The following INO80D variants were observed in gnomAD, a reference collection of about 807,000 sequenced individuals.
INO80D encodes the protein INO80 complex subunit D.
In INO80D, 21 loss-of-function variants were observed where a neutral mutation model predicts 87.6. That is an observed-to-expected ratio of 0.24 (90% CI 0.17 to 0.35). The LOEUF (loss-of-function observed/expected upper bound fraction) is 0.35. Among genes scored for constraint, INO80D ranks in the 10% least tolerant of loss-of-function variants. The pLI is 1.00. For missense variants in INO80D, 982 were observed against 1,280.7 expected (o/e 0.77, Z 3.56); for synonymous variants, 440 against 491.0 (o/e 0.90, Z 1.37).
At chr2:206,013,848 TAAAA>T (rs34453361) in intron 8 of INO80D, among the ~76,000 whole-genome samples, 13 of 117,990 alleles carry the variant, frequency 1.1e-4, no homozygotes, top group African/African-American at 1.4e-4. Context: ...TGAGTAAGCT[TAAAA>T]AAAAAAAAAA....
chr2:206,027,536 C>CA (rs1363541494), intron 6 of INO80D, among the ~76,000 whole-genome samples: 6 of 151,518 alleles, frequency 4.0e-5, no homozygotes, highest in African/African-American at 4.8e-5. Context: ...CTCACCTCTA[C>CA]AAAAAAAAAT....
Position 206,078,898 on chromosome 2 carries a change from A to G in INO80D, c.-124+7003T>C, listed in dbSNP as rs184677257. On this transcript the variant is annotated intron_variant, in intron 1 of 10. Coordinates refer to ENST00000403263, the MANE Select transcript of INO80D (RefSeq NM_017759.5). ...GCAGAGATTGCAGTGAGCCAATCGCACCACTGCACTCTAGGCTGGGCAACA... is the reference window on the plus strand; with the variant it reads ...GCAGAGATTGCAGTGAGCCAATCGCGCCACTGCACTCTAGGCTGGGCAACA... Among the ~76,000 whole-genome samples the G allele has an allele frequency of 4.6e-4, 70 of 152,236 alleles. No individual in the cohort carries two copies. In the East Asian group the frequency reaches 0.01, roughly 22 times the overall value.
At chr2:206,037,267 A>G (rs1688918095) in intron 5 of INO80D, among the ~76,000 whole-genome samples, 1 of 152,230 alleles carries the variant, frequency 6.6e-6, no homozygotes, top group Non-Finnish European at 1.5e-5. Flanking sequence ...AGCAAATTCT[A>G]CACTTGATAT....
intron 7 of INO80D, among the ~76,000 whole-genome samples, chr2:206,018,161 G>C (rs1688367965): frequency 6.6e-6 from 1 of 151,934 alleles, no homozygotes; most frequent in Non-Finnish European, 1.5e-5. Context: ...TTTTTGTTTT[G>C]AGATGAAGTC....
chr2:206,014,344 T>A (rs1688262740), intron 8 of INO80D, among the ~76,000 whole-genome samples: 1 of 152,174 alleles, frequency 6.6e-6, no homozygotes, highest in African/African-American at 2.4e-5. Context: ...GTTGATCTGG[T>A]TTGGTTCTGT....
chr2:206,056,203 T>C lies in INO80D; in HGVS notation c.959A>G (p.His320Arg). 3.2e-6 allele frequency: 5 copies of C among 1,572,492 alleles called. No homozygotes were observed. Among genetic ancestry groups the C allele is most frequent in the South Asian group, 2.4e-5 (2 of 84,408 alleles). ...CGATAAAATAGATAACTCACCTAAATGGGGAAACAGATCAGTGTCCAACTG... is the reference window on the plus strand; with the variant it reads ...CGATAAAATAGATAACTCACCTAAACGGGGAAACAGATCAGTGTCCAACTG... ...KHQLDTDLFP[H>R]LGLDWSEESG... Residue 320 changes from histidine to arginine, a missense_variant, in exon 4 of 11, where the codon CAT becomes CGT. Transcript: ENST00000403263.
At chr2:206,083,570 C>G (rs1690342205) in intron 1 of INO80D, among the ~76,000 whole-genome samples, 1 of 152,080 alleles carries the variant, frequency 6.6e-6, no homozygotes, top group Admixed American at 6.6e-5. Flanking sequence ...AAGCTCAATG[C>G]TAAATGACCG....
At chr2:206,014,068 G>C (rs892631512) in intron 8 of INO80D, among the ~76,000 whole-genome samples, 3 of 148,574 alleles carry the variant, frequency 2.0e-5, no homozygotes, top group Non-Finnish European at 4.4e-5. Context: ...TGAGGTGCAA[G>C]AATCACTTGA....
chr2:206,035,565 C>A (rs1445235170), intron 5 of INO80D, among the ~76,000 whole-genome samples: 2 of 152,042 alleles, frequency 1.3e-5, no homozygotes, highest in Non-Finnish European at 2.9e-5. Context: ...GATCCTCTCA[C>A]CTTATACAAA....
Position 206,056,476 on chromosome 2 carries a change from A to G in INO80D, c.686T>C (p.Val229Ala), listed in dbSNP as rs761054003. Reference protein sequence around the residue: ...LKPPAPPQGSVCKSPQPQNTS... With the variant: ...LKPPAPPQGSACKSPQPQNTS... ...GTTCTGAGGTTGAGGTGACTTGCAGACTGAACCCTGCGGTGGCGCTGGAGG... is the reference window on the plus strand; with the variant it reads ...GTTCTGAGGTTGAGGTGACTTGCAGGCTGAACCCTGCGGTGGCGCTGGAGG... The change falls in exon 4 of 11, where the codon GTC becomes GCC. Residue 229 changes from valine to alanine, a missense_variant. Transcript: ENST00000403263. 1 of 1,613,944 alleles carries G rather than the reference A, an allele frequency of 6.2e-7. No homozygotes were observed. The highest frequency in any genetic ancestry group is 8.5e-7 in the Non-Finnish European group (1 of 1,179,870).
At chr2:206,078,915 T>C (rs568816095) in intron 1 of INO80D, among the ~76,000 whole-genome samples, 2 of 152,150 alleles carry the variant, frequency 1.3e-5, no homozygotes, top group Non-Finnish European at 2.9e-5. Context: ...CACTCTAGGC[T>C]GGGCAACAGA....
intron 4 of INO80D, among the ~76,000 whole-genome samples, chr2:206,050,002 A>G (rs991994677): frequency 9.2e-5 from 14 of 152,052 alleles, no homozygotes; most frequent in Non-Finnish European, 1.8e-4. Context: ...GCGTGGTGGT[A>G]TGCACCTGTA....
chr2:206,050,690 C>T (rs186815857), intron 4 of INO80D, among the ~76,000 whole-genome samples: 1 of 145,628 alleles, frequency 6.9e-6, no homozygotes. Flanking sequence ...TATATTTCGC[C>T]GGGCGCGGTG....
In INO80D at chr2:206,004,564, A is replaced by G; in HGVS notation, c.2888T>C (p.Met963Thr). Reference sequence around the variant, plus strand: ...TTGCTGCTTGGGAGAGGTGGAGGCCATTAGTTCAGCAGAAGGCCCCATGCC... The same window carrying G: ...TTGCTGCTTGGGAGAGGTGGAGGCCGTTAGTTCAGCAGAAGGCCCCATGCC... The part of the protein sequence containing the change: ...FSGMGPSAEL[M>T]ASTSPKQQLP... The change falls in exon 11 of 11, where the codon ATG (methionine) becomes ACG (threonine). Residue 963 changes from methionine to threonine, a missense_variant. Physicochemically the swap from Met to Thr is moderately conservative, Grantham distance 81 (BLOSUM62 -1). Coordinates refer to ENST00000403263, the MANE Select transcript of INO80D (RefSeq NM_017759.5). The surrounding 1 kb of genome is among the most constrained non-coding windows in gnomAD (Gnocchi z 4.9). 7 of 1,611,002 alleles carry G rather than the reference A, an allele frequency of 4.3e-6. No homozygotes were observed. The highest frequency in any genetic ancestry group is 5.9e-6 in the Non-Finnish European group (7 of 1,178,660).
chr2:206,031,432 T>C (rs369691979), intron 5 of INO80D, among the ~76,000 whole-genome samples: 1 of 152,054 alleles, frequency 6.6e-6, no homozygotes, highest in East Asian at 1.9e-4. Flanking sequence ...AGGCAGATCT[T>C]AAAGGGAAGG....
intron 1 of INO80D, among the ~76,000 whole-genome samples, chr2:206,078,726 C>T (rs1351331064): frequency 6.6e-6 from 1 of 152,114 alleles, no homozygotes; most frequent in Non-Finnish European, 1.5e-5. Context: ...GCAGGTGGAT[C>T]ACGAGATCAG....
At chr2:206,071,150 G>A (rs1437561212) in intron 1 of INO80D, among the ~76,000 whole-genome samples, 4 of 150,506 alleles carry the variant, frequency 2.7e-5, no homozygotes, top group African/African-American at 9.8e-5. Flanking sequence ...GTAGAGATGG[G>A]GTTTCATCAT....
At chr2:206,084,955 G>T (rs1690395856) in intron 1 of INO80D, among the ~76,000 whole-genome samples, 2 of 152,226 alleles carry the variant, frequency 1.3e-5, no homozygotes, top group Admixed American at 1.3e-4. Context: ...CAACCTGGGG[G>T]GCTCTAGGGG....
chr2:206,028,079 G>A (rs1688664243), intron 6 of INO80D, 32 bp downstream of exon 6: 1 of 1,418,950 alleles, frequency 7.0e-7, no homozygotes, highest in Non-Finnish European at 9.6e-7. Flanking sequence ...ACTGAGATGA[G>A]TCCCTTAAGA....
Sources: allele counts gnomAD v4.1 joint callset (sites outside exome capture counted in the v4.1 genomes callset), GRCh38; gene constraint gnomAD v4.1.1; non-coding constraint Gnocchi (gnomAD v3.1); transcripts MANE v1.5; gene names NCBI Gene and HGNC (gene_info 2026-07-23, HGNC 2026-07-21).